The following TLE2 variants were observed in gnomAD, a reference collection of about 807,000 sequenced individuals.
TLE2 encodes TLE family member 2, transcriptional corepressor, also known as transducin-like enhancer protein 2.
In TLE2, 74 loss-of-function variants were observed where a neutral mutation model predicts 97.2. The ratio of observed to expected loss-of-function variants is 0.76; its 90% CI spans 0.63 to 0.92. The LOEUF is 0.92. Among genes scored for constraint, TLE2 ranks in the 40% least tolerant of loss-of-function variants. The pLI, the probability that TLE2 is intolerant of heterozygous loss-of-function variation, is 0.00. For synonymous variants in TLE2, 499 were observed against 432.1 expected, an observed-to-expected ratio of 1.15 and a Z score of -1.92; for missense variants, 1,038 against 1,008.7, an observed-to-expected ratio of 1.03 and a Z score of -0.39.
At chr19:3,000,103 ACT>A (rs1347971079) in intron 19 of TLE2, among the ~76,000 whole-genome samples, 1 of 149,530 alleles carries the variant, frequency 6.7e-6, no homozygotes, top group Admixed American at 6.7e-5. Flanking sequence ...GCAGAGCCTC[ACT>A]CTGTCGCCCA....
upstream of TLE2, among the ~76,000 whole-genome samples, chr19:3,032,820 G>A (rs1208379394): frequency 1.3e-5 from 2 of 152,048 alleles, no homozygotes; most frequent in African/African-American, 2.4e-5. The surrounding 1 kb of genome is among the most constrained non-coding windows in gnomAD (Gnocchi z 4.1). Context: ...AACCCTTTCC[G>A]GCAGGTGTTT....
intron 12 of TLE2, 121 bp from the exon 13 acceptor site, chr19:3,009,823 T>C (rs1320322834): frequency 1.6e-6 from 2 of 1,217,784 alleles, no homozygotes; most frequent in African/African-American, 1.5e-5. Context: ...ACATTGGCCA[T>C]AGCCTGGGAC....
chr19:3,039,084 G>A (rs1423545860), intron 1 of TLE2, among the ~76,000 whole-genome samples: 1 of 150,760 alleles, frequency 6.6e-6, no homozygotes, highest in African/African-American at 2.4e-5. Flanking sequence ...TTAGCTGGGT[G>A]TGGTGGCGGG....
At chr19:3,014,267 G>A (rs775168913) in intron 10 of TLE2, among the ~76,000 whole-genome samples, 5 of 152,136 alleles carry the variant, frequency 3.3e-5, no homozygotes, top group East Asian at 1.9e-4. Context: ...CACCCATAGC[G>A]AGGACTATAT....
Position 3,025,191 on chromosome 19 carries a change from A to G in TLE2, c.232-109T>C, listed in dbSNP as rs113920090. ...GCAAAGCCGAAGGGTTGGGGAGGTGACGCCCGCAGGTGCACAGAGGGAACT... is the reference window on the plus strand; with the variant it reads ...GCAAAGCCGAAGGGTTGGGGAGGTGGCGCCCGCAGGTGCACAGAGGGAACT... On this transcript the variant is annotated intron_variant, in intron 4 of 19. Transcript: ENST00000262953. The G allele has an allele frequency of 3.0e-3, 3,707 of 1,215,922 alleles. 90 individuals carry two copies. The African/African-American group carries it at 0.051, about 17-fold the overall frequency. The allele number at this position is 1,215,922 out of a possible 1,614,324, so 75.3% of individuals were successfully genotyped here.
chr19:2,998,624 G>A (rs1461877102), intron 19 of TLE2, among the ~76,000 whole-genome samples: 1 of 152,124 alleles, frequency 6.6e-6, no homozygotes, highest in Non-Finnish European at 1.5e-5. Flanking sequence ...ATGTTGGCCA[G>A]GCTAGTCTCA....
chr19:2,997,667 A>T lies in TLE2; in HGVS notation c.*181T>A. On this transcript the variant is annotated 3_prime_UTR_variant, in exon 20 of 20. Coordinates refer to ENST00000262953, the MANE Select transcript of TLE2 (RefSeq NM_003260.5). The stretch of plus-strand genomic sequence containing the variant: ...GATGTGATAGATACATTTTATTTCC[A>T]CCGAGGTCCCCTGCCCATCGGCCCC... 1.7e-6 allele frequency: 1 copy of T among 582,760 alleles called. No homozygotes were observed. The highest frequency in any genetic ancestry group is 2.1e-5 in the South Asian group (1 of 47,502). 36.1% of individuals were successfully genotyped at this position (582,760 alleles called of 1,614,324 possible). A position where few individuals can be genotyped will look rare whatever the true frequency, so the allele number is the denominator to read the frequency against.
chr19:2,998,276 T>TGTGTGTG (rs1339449267), intron 19 of TLE2, among the ~76,000 whole-genome samples: 1 of 76,018 alleles, frequency 1.3e-5, no homozygotes, highest in African/African-American at 5.5e-5. Flanking sequence ...TGTGTGTGTG[T>TGTGTGTG]AATTTTTTTT....
chr19:3,025,516 C>T (rs1599241458), intron 4 of TLE2: 1 of 997,822 alleles, frequency 1.0e-6, no homozygotes, highest in East Asian at 1.1e-4. Context: ...CAGGCAAGGC[C>T]CCTTTCTTGG....
chr19:3,019,705 G>C lies in TLE2; in HGVS notation c.363C>G (p.Leu121=), dbSNP rs780924037. The C allele has an allele frequency of 6.2e-7, 1 of 1,610,602 alleles. No homozygotes were observed. Among genetic ancestry groups the C allele is most frequent in the Non-Finnish European group, 8.5e-7 (1 of 1,178,598 alleles). The stretch of plus-strand genomic sequence containing the variant: ...AGGGGCTAGAGAGACTCACCCCGAT[G>C]AGGCTGTTCAGCTCCCCCACGGTGA... ...KQVTVGELNS[L]IGQQLQPLSH... Residue 121 remains leucine (L), a synonymous_variant, in exon 6 of 20, where the codon CTC becomes CTG. Transcript: ENST00000262953. The surrounding 1 kb of genome is among the most constrained non-coding windows in gnomAD (Gnocchi z 5.1).
intron 4 of TLE2, 23 bp from the exon 5 acceptor site, chr19:3,025,105 A>C: frequency 6.3e-7 from 1 of 1,594,394 alleles, no homozygotes; most frequent in Non-Finnish European, 8.5e-7. Context: ...AATGAGAGGA[A>C]GCTTGGAGCG....
intron 1 of TLE2, among the ~76,000 whole-genome samples, chr19:3,037,746 C>T (rs976406230): frequency 1.3e-5 from 2 of 152,074 alleles, no homozygotes; most frequent in African/African-American, 2.4e-5. Context: ...GTGCCAGGCA[C>T]GTTTACTCTG....
chr19:3,023,057 T>TTC (rs374004150), intron 5 of TLE2, among the ~76,000 whole-genome samples: 14,349 of 139,014 alleles, frequency 0.1, 1,378 homozygotes, highest in African/African-American at 0.24. Flanking sequence ...TTACCTAATC[T>TTC]TTTTTTTTTT....
Position 3,008,926 on chromosome 19 carries a change from G to C in TLE2, c.1193C>G (p.Pro398Arg). Residue 398 changes from proline (P) to arginine (R), a missense_variant, in exon 14 of 20, where the codon CCC becomes CGC. Physicochemically the swap from Pro to Arg is moderately radical, Grantham distance 103 (BLOSUM62 -2). Coordinates refer to ENST00000262953, the MANE Select transcript of TLE2 (RefSeq NM_003260.5). ...AGAGACGGATGACCCTCGGAGATGGGGATGAGACTCAAATGCCATCTGTGA... is the reference window on the plus strand; with the variant it reads ...AGAGACGGATGACCCTCGGAGATGGCGATGAGACTCAAATGCCATCTGTGA... ...RSPVMAFESH[P>R]HLRGSSVSSS... 6.3e-7 allele frequency: 1 copy of C among 1,592,888 alleles called. No individual in the cohort carries two copies. Among genetic ancestry groups the C allele is most frequent in the Non-Finnish European group, 8.5e-7 (1 of 1,169,884 alleles).
intron 19 of TLE2, among the ~76,000 whole-genome samples, chr19:2,998,559 T>A (rs544734686): frequency 6.6e-6 from 1 of 152,170 alleles, no homozygotes; most frequent in Non-Finnish European, 1.5e-5. Flanking sequence ...ATTACACGCA[T>A]GAGCCACCGC....
rs1278389924 is a variant in TLE2, at chr19:3,025,106, G to C, written c.232-24C>G. On this transcript the variant is annotated intron_variant, in intron 4 of 19. Coordinates refer to ENST00000262953, the MANE Select transcript of TLE2 (RefSeq NM_003260.5). ...GCCTGGCAGGAAGCAATGAGAGGAA[G>C]CTTGGAGCGGGGTAGAGATTTGCAA... 4.4e-6 allele frequency: 7 copies of C among 1,592,296 alleles called. No homozygotes were observed. The African/African-American group carries it at 8.0e-5, about 18-fold the overall frequency.
At chr19:3,026,535 C>T (rs560705749) in intron 4 of TLE2, among the ~76,000 whole-genome samples, 105 of 150,848 alleles carry the variant, frequency 7.0e-4, no homozygotes, top group African/African-American at 2.5e-3. Flanking sequence ...GCCTCAGAAC[C>T]TTTTAACACA....
At chr19:3,024,457 C>G (rs1198814706) in intron 5 of TLE2, among the ~76,000 whole-genome samples, 2 of 152,050 alleles carry the variant, frequency 1.3e-5, no homozygotes, top group African/African-American at 4.8e-5. Flanking sequence ...CTCCCCGTCC[C>G]CTCCCCAACC....
intron 5 of TLE2, among the ~76,000 whole-genome samples, chr19:3,020,768 G>T (rs1368450020): frequency 6.6e-6 from 1 of 152,046 alleles, no homozygotes; most frequent in African/African-American, 2.4e-5. Flanking sequence ...AGCTTTCAGA[G>T]CTGTGGGACT....
Sources: gnomAD v4.1 joint callset for allele counts (sites outside exome capture counted in the v4.1 genomes callset) on GRCh38, gnomAD v4.1.1 for gene constraint, Gnocchi (gnomAD v3.1) non-coding constraint, MANE v1.5 for transcripts, NCBI Gene and HGNC (gene_info 2026-07-23, HGNC 2026-07-21) for gene names.